KCNJ6: variants seen among roughly 807,000 people sequenced by gnomAD.
KCNJ6 encodes the protein potassium inwardly rectifying channel subfamily J member 6, also known as G protein-activated inward rectifier potassium channel 2.
In KCNJ6, 9 loss-of-function variants were observed where a neutral mutation model predicts 34.2. The ratio of observed to expected loss-of-function variants is 0.26; its 90% CI spans 0.16 to 0.46. The LOEUF is 0.46. Ranked by LOEUF, KCNJ6 falls within the 20% of genes least tolerant of loss-of-function variation. The pLI is 1.00. For missense variants in KCNJ6, 236 were observed against 531.3 expected (o/e 0.44, Z 5.46); for synonymous variants, 196 against 207.1 (o/e 0.95, Z 0.46).
At chr21:37,910,268 G>C (rs1294054377) in intron 1 of KCNJ6, among the ~76,000 whole-genome samples, 9 of 152,172 alleles carry the variant, frequency 5.9e-5, no homozygotes, top group Non-Finnish European at 4.4e-5. Flanking sequence ...GATTCAGTTA[G>C]TAAGAAACAC....
At chr21:37,871,668 T>C (rs1232455098) in intron 1 of KCNJ6, among the ~76,000 whole-genome samples, 3 of 152,236 alleles carry the variant, frequency 2.0e-5, no homozygotes, top group Non-Finnish European at 4.4e-5. Context: ...CAGTGTGCTC[T>C]TGCAGACAGA....
chr21:37,700,251 A>C (rs858004), intron 3 of KCNJ6, among the ~76,000 whole-genome samples: 26,146 of 152,170 alleles, frequency 0.17, 2,591 homozygotes, highest in East Asian at 0.38. Context: ...TAGGGGTGGC[A>C]TTTGCAGGGA....
At chr21:37,718,123 C>A (rs1329029477) in intron 2 of KCNJ6, among the ~76,000 whole-genome samples, 1 of 152,150 alleles carries the variant, frequency 6.6e-6, no homozygotes, top group Non-Finnish European at 1.5e-5. Flanking sequence ...TGAGTCTTGG[C>A]CCATCTGGAG....
At chr21:37,689,938 C>A (rs1211516435) in intron 3 of KCNJ6, among the ~76,000 whole-genome samples, 1 of 152,060 alleles carries the variant, frequency 6.6e-6, no homozygotes, top group Admixed American at 6.6e-5. Context: ...CTCACAGATT[C>A]TCCATTAATG....
chr21:37,762,478 A>C (rs1276351088), intron 2 of KCNJ6, among the ~76,000 whole-genome samples: 2 of 152,240 alleles, frequency 1.3e-5, no homozygotes, highest in Non-Finnish European at 2.9e-5. Flanking sequence ...CAGGAGCCAC[A>C]GGAAGAAATC....
chr21:37,676,878 A>T (rs2054567301), intron 3 of KCNJ6, among the ~76,000 whole-genome samples: 1 of 152,256 alleles, frequency 6.6e-6, no homozygotes, highest in African/African-American at 2.4e-5. Context: ...GAGAGAAAGC[A>T]GCAGGCTCTG....
At chr21:37,774,921 C>T (rs954548150) in intron 2 of KCNJ6, among the ~76,000 whole-genome samples, 2 of 152,176 alleles carry the variant, frequency 1.3e-5, no homozygotes, top group Non-Finnish European at 2.9e-5. Flanking sequence ...TGAGGAATTG[C>T]CACGCTGACT....
At chr21:37,906,222 T>C (rs1012068249) in intron 1 of KCNJ6, among the ~76,000 whole-genome samples, 3 of 152,214 alleles carry the variant, frequency 2.0e-5, no homozygotes, top group African/African-American at 7.2e-5. Flanking sequence ...CATGAGTATT[T>C]TTTCTGATGG....
chr21:37,716,362 CT>C (rs2054790978), intron 2 of KCNJ6, among the ~76,000 whole-genome samples: 2 of 148,818 alleles, frequency 1.3e-5, no homozygotes, highest in African/African-American at 5.0e-5. Context: ...TATTTTTTTT[CT>C]TTTAAAAAAG....
chr21:37,642,771 G>C (rs190742694), intron 3 of KCNJ6, among the ~76,000 whole-genome samples: 55 of 152,226 alleles, frequency 3.6e-4, no homozygotes, highest in Admixed American at 2.5e-3. Flanking sequence ...GTTCTGGAGA[G>C]ATGGGTGAGG....
At chr21:37,902,712 T>C (rs1363516142) in intron 1 of KCNJ6, among the ~76,000 whole-genome samples, 1 of 152,074 alleles carries the variant, frequency 6.6e-6, no homozygotes, top group East Asian at 1.9e-4. Context: ...GCCTACAGGG[T>C]GGCTGCAGAA....
At chr21:37,888,949 G>T (rs2055748815) in intron 1 of KCNJ6, among the ~76,000 whole-genome samples, 1 of 152,218 alleles carries the variant, frequency 6.6e-6, no homozygotes, top group Non-Finnish European at 1.5e-5. Flanking sequence ...CCTCAGTGGA[G>T]TTCACAGAAG....
intron 3 of KCNJ6, among the ~76,000 whole-genome samples, chr21:37,692,475 G>A: frequency 6.6e-6 from 1 of 152,182 alleles, no homozygotes; most frequent in South Asian, 2.1e-4. Flanking sequence ...CTGTAAGGAT[G>A]TTGCCTCTAT....
At chr21:37,739,730 A>C (rs2054930650) in intron 2 of KCNJ6, among the ~76,000 whole-genome samples, 1 of 152,104 alleles carries the variant, frequency 6.6e-6, no homozygotes, top group Non-Finnish European at 1.5e-5. Flanking sequence ...CATTGACAGT[A>C]TCTTATGTTG....
intron 2 of KCNJ6, among the ~76,000 whole-genome samples, chr21:37,816,113 C>T (rs1047466924): frequency 2.6e-5 from 4 of 152,214 alleles, no homozygotes; most frequent in African/African-American, 9.6e-5. Flanking sequence ...GCAGTGTCAG[C>T]GGCATCCCTG....
intron 1 of KCNJ6, among the ~76,000 whole-genome samples, chr21:37,888,320 A>C (rs1422722106): frequency 6.6e-6 from 1 of 152,148 alleles, no homozygotes; most frequent in East Asian, 1.9e-4. Flanking sequence ...CATTCAAACC[A>C]CAGGCTGAAG....
intron 3 of KCNJ6, among the ~76,000 whole-genome samples, chr21:37,636,430 T>A (rs2054358454): frequency 1.3e-5 from 2 of 152,222 alleles, no homozygotes; most frequent in South Asian, 4.1e-4. Flanking sequence ...GCGTAGCTTT[T>A]AACAATTATT....
intron 3 of KCNJ6, among the ~76,000 whole-genome samples, chr21:37,667,663 G>C (rs2054522646): frequency 6.8e-6 from 1 of 146,860 alleles, no homozygotes; most frequent in Non-Finnish European, 1.5e-5. Context: ...GCGCCGGGTA[G>C]CAGGTCCGGG....
Position 37,714,599 on chromosome 21 carries a change from C to T in KCNJ6, c.558G>A (p.Val186=), listed in dbSNP as rs764270794. ...VLGSIVNAFM[V]GCMFVKISQP... Reference sequence around the variant, plus strand: ...GAGAGATTTTTACAAACATGCATCCCACCATGAATGCATTGACAATGGACC... The same window carrying T: ...GAGAGATTTTTACAAACATGCATCCTACCATGAATGCATTGACAATGGACC... The change falls in exon 3 of 4, where the codon GTG becomes GTA. Residue 186 remains valine (V), a synonymous_variant. Transcript: ENST00000609713. This position sits in a 1 kb window ranked among gnomAD's most constrained non-coding sequence, Gnocchi z 5.9. 1 of 1,614,084 alleles carries T rather than the reference C, an allele frequency of 6.2e-7. No individual in the cohort carries two copies. The highest frequency in any genetic ancestry group is 8.5e-7 in the Non-Finnish European group (1 of 1,179,982).
Sources: allele counts gnomAD v4.1 joint callset (sites outside exome capture counted in the v4.1 genomes callset), GRCh38; gene constraint gnomAD v4.1.1; non-coding constraint Gnocchi (gnomAD v3.1); transcripts MANE v1.5; gene names NCBI Gene and HGNC (gene_info 2026-07-23, HGNC 2026-07-21).